The following SLC25A26 variants were observed in gnomAD, a reference collection of about 807,000 sequenced individuals.
The protein encoded by SLC25A26 is solute carrier family 25 member 26, also known as mitochondrial S-adenosylmethionine carrier protein.
Under a neutral mutation model 37.8 loss-of-function variants are expected in SLC25A26, and 36 were observed. The ratio of observed to expected loss-of-function variants is 0.95; its 90% CI spans 0.73 to 1.26. The LOEUF is 1.26. Among genes scored for constraint, SLC25A26 ranks in the 50% most tolerant of loss-of-function variants. The probability of loss-of-function intolerance (pLI) is 0.00; values close to 1 mark genes in which losing one functional copy is unlikely to be tolerated. For synonymous variants in SLC25A26, 129 were observed against 122.5 expected (o/e 1.05, Z -0.35); for missense variants, 390 against 331.1 (o/e 1.18, Z -1.38).
chr3:66,169,825 T>C (rs2106729180), intron 1 of SLC25A26, among the ~76,000 whole-genome samples: 1 of 152,352 alleles, frequency 6.6e-6, no homozygotes, highest in East Asian at 1.9e-4. Context: ...TAAAAAACTA[T>C]TTTAGAGTCA....
At chr3:66,171,780 G>A (rs2070502976) in intron 1 of SLC25A26, among the ~76,000 whole-genome samples, 2 of 152,174 alleles carry the variant, frequency 1.3e-5, no homozygotes, top group African/African-American at 4.8e-5. Flanking sequence ...GTGAGCCACT[G>A]CACCCGGCCC....
intron 5 of SLC25A26, among the ~76,000 whole-genome samples, chr3:66,312,705 A>G (rs1490139635): frequency 6.6e-6 from 1 of 152,110 alleles, no homozygotes; most frequent in Non-Finnish European, 1.5e-5. Context: ...GCTGGAATGC[A>G]CCATTCCTCA....
intron 4 of SLC25A26, 62 bp from the exon 5 acceptor site, chr3:66,263,270 C>T (rs1576743510): frequency 1.6e-6 from 2 of 1,232,884 alleles, no homozygotes; most frequent in East Asian, 2.3e-5. Context: ...CTGCTGTATA[C>T]AGAATGTCCT....
intron 3 of SLC25A26, among the ~76,000 whole-genome samples, chr3:66,245,152 C>T (rs1388307885): frequency 6.6e-6 from 1 of 151,574 alleles, no homozygotes; most frequent in African/African-American, 2.4e-5. Context: ...ATGTAGTCCT[C>T]CTGACTCAGC....
chr3:66,175,221 G>A lies in SLC25A26; in HGVS notation c.-354+41237G>A, dbSNP rs565929818. On this transcript the variant is annotated intron_variant, in intron 1 of 10. Transcript: ENST00000676754. ...ACACACACAGATTTACTATATAAAG[G>A]TTTATTTATTTATTTACTTTTGAGA... 6.1e-5 allele frequency among the ~76,000 whole-genome samples: 9 copies of A among 147,412 alleles called. No homozygotes were observed. The Admixed American group carries it at 6.2e-4, about 10-fold the overall frequency.
chr3:66,336,487 C>CA (rs2076094978), intron 5 of SLC25A26, among the ~76,000 whole-genome samples: 4 of 152,138 alleles, frequency 2.6e-5, no homozygotes, highest in Admixed American at 1.3e-4. Context: ...ATTAAAGTTG[C>CA]ATGCAAATTC....
chr3:66,377,722 C>T lies in SLC25A26; in HGVS notation c.740C>T (p.Ala247Val), dbSNP rs144933969. Reference sequence around the variant, plus strand: ...GCAGGTGTCTTCCCTCGAATGGCAGCCATCAGTCTGGGAGGTTTCATCTTT... The same window carrying T: ...GCAGGTGTCTTCCCTCGAATGGCAGTCATCAGTCTGGGAGGTTTCATCTTT... ...LFAGVFPRMAAISLGGFIFLG... is the reference protein window; with the variant it reads ...LFAGVFPRMAVISLGGFIFLG... Residue 247 changes from alanine to valine, a missense_variant, in exon 10 of 10, where the codon GCC (alanine) becomes GTC (valine). Transcript: ENST00000354883. 1.2e-5 allele frequency: 19 copies of T among 1,613,690 alleles called. No homozygotes were observed. The highest frequency in any genetic ancestry group is 1.6e-5 in the Non-Finnish European group (19 of 1,179,818).
intron 5 of SLC25A26, among the ~76,000 whole-genome samples, chr3:66,274,657 T>C (rs1271319621): frequency 1.3e-5 from 2 of 152,310 alleles, no homozygotes; most frequent in East Asian, 3.9e-4. Context: ...AAAATGCTCA[T>C]CATCACTGGC....
chr3:66,215,936 T>C (rs1004313205), intron 1 of SLC25A26, among the ~76,000 whole-genome samples: 2 of 152,194 alleles, frequency 1.3e-5, no homozygotes, highest in African/African-American at 4.8e-5. Context: ...GGTCAAGGTA[T>C]TGGCAGATTC....
At chr3:66,166,271 T>G (rs2070424060) in intron 1 of SLC25A26, among the ~76,000 whole-genome samples, 1 of 152,208 alleles carries the variant, frequency 6.6e-6, no homozygotes, top group Admixed American at 6.5e-5. Context: ...CCTTTATTGC[T>G]GTGTGCTATC....
In SLC25A26 at chr3:66,377,705, C is replaced by G; in HGVS notation, c.723C>G (p.Val241=). 1.9e-6 allele frequency: 3 copies of G among 1,613,616 alleles called. No homozygotes were observed. Among genetic ancestry groups the G allele is most frequent in the Non-Finnish European group, 2.5e-6 (3 of 1,179,654 alleles). ...SQGLAGLFAG[V]FPRMAAISLG... is the part of the protein sequence containing the mutation. ...TTTCCCCTAGATTATTTGCAGGTGT[C>G]TTCCCTCGAATGGCAGCCATCAGTC... is the stretch of plus-strand genomic sequence containing the variant. Residue 241 remains valine (V), a synonymous_variant, in exon 10 of 10, where the codon GTC becomes GTG. Coordinates refer to ENST00000354883, the MANE Select transcript of SLC25A26 (RefSeq NM_001379210.1).
chr3:66,352,483 A>C (rs758238968), intron 6 of SLC25A26, among the ~76,000 whole-genome samples: 3 of 146,512 alleles, frequency 2.0e-5, no homozygotes, highest in Non-Finnish European at 3.0e-5. Flanking sequence ...ACATTTGTAG[A>C]TCTCCCTGCT....
At chr3:66,233,715 G>A (rs1049456726) in intron 1 of SLC25A26, among the ~76,000 whole-genome samples, 3 of 151,428 alleles carry the variant, frequency 2.0e-5, no homozygotes, top group East Asian at 1.9e-4. Flanking sequence ...TTTTTCAGTC[G>A]CATGAATTTA....
chr3:66,134,874 A>G (rs374812876), intron 1 of SLC25A26, among the ~76,000 whole-genome samples: 5 of 151,424 alleles, frequency 3.3e-5, no homozygotes, highest in African/African-American at 1.2e-4. Flanking sequence ...CTTGTCACCC[A>G]GGCTGTAGTG....
intron 5 of SLC25A26, among the ~76,000 whole-genome samples, chr3:66,297,052 C>T (rs765445196): frequency 5.3e-5 from 8 of 152,102 alleles, no homozygotes; most frequent in Admixed American, 1.3e-4. Flanking sequence ...GAGCGAGGTG[C>T]GGTGGCTCAC....
chr3:66,235,512 AATAC>A (rs781809808), intron 1 of SLC25A26, among the ~76,000 whole-genome samples: 1 of 152,224 alleles, frequency 6.6e-6, no homozygotes, highest in South Asian at 2.1e-4. Context: ...GGAATTTTCA[AATAC>A]ATTTAAAGCA....
intron 3 of SLC25A26, 129 bp from the exon 4 acceptor site, chr3:66,261,922 A>AG (rs2073544069): frequency 3.2e-6 from 2 of 622,364 alleles, no homozygotes; most frequent in Non-Finnish European, 5.7e-6. Flanking sequence ...AAAAAAAAAA[A>AG]GAAACTTTTT....
In SLC25A26 at chr3:66,230,812, AAAAAAAAC is replaced by A. The variant is rs1413379093; in HGVS notation, c.34-5724_34-5717del. Among the ~76,000 whole-genome samples, 4 of 138,712 alleles carry A rather than the reference AAAAAAAAC, an allele frequency of 2.9e-5. No individual in the cohort carries two copies. The East Asian group carries it at 8.2e-4, about 28-fold the overall frequency. The allele number at this position is 138,712 out of a possible 152,430, so 91.0% of individuals were successfully genotyped here. A position where few individuals can be genotyped will look rare whatever the true frequency, so the allele number is the denominator to read the frequency against. On this transcript the variant is annotated intron_variant, in intron 1 of 9. Transcript: ENST00000354883. Reference sequence around the variant, plus strand: ...AAGAGCAAAACTCTGTCTCAAAAAAAAAAAAAACAAAAAAAAACCAGAATTTTAGACTG... The same window carrying A: ...AAGAGCAAAACTCTGTCTCAAAAAAAAAAAAAAAACCAGAATTTTAGACTG...
chr3:66,241,769 A>T (rs1470378962), intron 2 of SLC25A26, among the ~76,000 whole-genome samples: 1 of 151,980 alleles, frequency 6.6e-6, no homozygotes, highest in African/African-American at 2.4e-5. Flanking sequence ...TCATCAGTGG[A>T]TGTGGATGTT....
Sources: allele counts gnomAD v4.1 joint callset (sites outside exome capture counted in the v4.1 genomes callset), GRCh38; gene constraint gnomAD v4.1.1; transcripts MANE v1.5; gene names NCBI Gene and HGNC (gene_info 2026-07-23, HGNC 2026-07-21).